The following CSMD3 variants were observed in gnomAD, a reference collection of about 807,000 sequenced individuals.
The protein encoded by CSMD3 is CUB and sushi domain-containing protein 3.
A neutral mutation model predicts 435.2 loss-of-function variants in CSMD3; 177 were observed. The ratio of observed to expected loss-of-function variants is 0.41; its 90% CI spans 0.36 to 0.46. The LOEUF (loss-of-function observed/expected upper bound fraction) is 0.46. Ranked by LOEUF, CSMD3 falls within the 20% of genes least tolerant of loss-of-function variation. The pLI is 0.34. For synonymous variants in CSMD3, 1,656 were observed against 1,520.5 expected (o/e 1.09, Z -2.07); for missense variants, 4,265 against 4,504.6 (o/e 0.95, Z 1.52).
chr8:112,485,250 C>T (rs185051199), intron 31 of CSMD3, among the ~76,000 whole-genome samples: 6 of 152,158 alleles, frequency 3.9e-5, no homozygotes, highest in Non-Finnish European at 4.4e-5. Flanking sequence ...AAATACATTA[C>T]GCTTCTCTAT....
chr8:112,903,413 A>T (rs965020845), intron 10 of CSMD3, among the ~76,000 whole-genome samples: 1 of 151,252 alleles, frequency 6.6e-6, no homozygotes, highest in African/African-American at 2.4e-5. Flanking sequence ...TGTTCCGAAA[A>T]GAGTATAAGA....
intron 41 of CSMD3, 53 bp from the exon 42 acceptor site, chr8:112,341,739 A>G (rs1825136525): frequency 4.6e-6 from 5 of 1,076,178 alleles, no homozygotes; most frequent in Admixed American, 1.8e-5. Flanking sequence ...CGAATTAAAC[A>G]TAAATATACA....
intron 1 of CSMD3, among the ~76,000 whole-genome samples, chr8:113,318,387 T>C (rs1036849260): frequency 3.3e-5 from 5 of 152,198 alleles, no homozygotes; most frequent in African/African-American, 1.2e-4. Context: ...CATAGTGAAA[T>C]AGATTACTGT....
At chr8:112,301,995 T>G (rs950411419) in intron 52 of CSMD3, 29 bp from the exon 53 acceptor site, 2 of 1,476,326 alleles carry the variant, frequency 1.4e-6, no homozygotes, top group Non-Finnish European at 1.9e-6. Context: ...ATAAAAATCC[T>G]TAAAGATATA....
At chr8:112,547,657 C>G (rs1827302177) in intron 27 of CSMD3, among the ~76,000 whole-genome samples, 1 of 152,148 alleles carries the variant, frequency 6.6e-6, no homozygotes, top group South Asian at 2.1e-4. Context: ...GGAGCATGAG[C>G]TAGAATAGTA....
At chr8:112,722,278 T>C (rs2076874839) in intron 13 of CSMD3, among the ~76,000 whole-genome samples, 1 of 151,714 alleles carries the variant, frequency 6.6e-6, no homozygotes, top group South Asian at 2.1e-4. Context: ...TGCAAATTAA[T>C]TAGATCTTAG....
intron 16 of CSMD3, among the ~76,000 whole-genome samples, chr8:112,678,394 A>G (rs1471433999): frequency 1.3e-5 from 2 of 152,208 alleles, no homozygotes; most frequent in African/African-American, 4.8e-5. Flanking sequence ...AAAAGATTGG[A>G]TAATCAAAAG....
intron 13 of CSMD3, among the ~76,000 whole-genome samples, chr8:112,770,062 T>C (rs976177333): frequency 1.3e-5 from 2 of 152,014 alleles, no homozygotes; most frequent in Admixed American, 1.3e-4. Flanking sequence ...GCTTTCAAAT[T>C]ATTGCAAATA....
At chr8:113,071,117 C>A (rs1409241966) in intron 5 of CSMD3, among the ~76,000 whole-genome samples, 1 of 151,936 alleles carries the variant, frequency 6.6e-6, no homozygotes, top group Non-Finnish European at 1.5e-5. Flanking sequence ...GGTATGTCCT[C>A]ACTTGGGAAA....
At chr8:112,286,377 A>G (rs1402058962) in intron 58 of CSMD3, among the ~76,000 whole-genome samples, 1 of 152,088 alleles carries the variant, frequency 6.6e-6, no homozygotes, top group Non-Finnish European at 1.5e-5. Flanking sequence ...TTAAGTTCTG[A>G]GTAGCATGAT....
At chr8:113,308,334 TCTCGGCTCACTGCAAGCTCCGCCTCCCG>T (rs2093839280) in intron 2 of CSMD3, among the ~76,000 whole-genome samples, 1 of 129,018 alleles carries the variant, frequency 7.8e-6, no homozygotes, top group Non-Finnish European at 1.6e-5. Context: ...AGTGGCGCGA[TCTCGGCTCACTGCAAGCTCCGCCTCCCG>T]GGTTCACGCC....
chr8:113,376,885 C>T, intron 1 of CSMD3: 1 of 1,607,166 alleles, frequency 6.2e-7, no homozygotes, highest in Non-Finnish European at 8.5e-7. Flanking sequence ...GATGAAGCTT[C>T]CTGGCCGGGA....
intron 4 of CSMD3, among the ~76,000 whole-genome samples, chr8:113,102,014 A>C (rs2090345015): frequency 6.6e-6 from 1 of 152,136 alleles, no homozygotes. Context: ...GATTTGGGAC[A>C]AGTAAAAGGC....
intron 6 of CSMD3, among the ~76,000 whole-genome samples, chr8:112,990,327 C>T (rs560439411): frequency 1.2e-4 from 18 of 151,904 alleles, no homozygotes; most frequent in African/African-American, 4.1e-4. Flanking sequence ...ACTACACATG[C>T]GAGCAAAAAA....
intron 9 of CSMD3, 28 bp downstream of exon 9, chr8:112,947,762 T>A (rs1334291739): frequency 3.4e-6 from 3 of 894,262 alleles, no homozygotes; most frequent in South Asian, 1.3e-5. Context: ...ACAAGATAAA[T>A]AATGAAGTCA....
At position 113,126,844 on chromosome 8, in the gene CSMD3, A is replaced by G. The variant is rs113823210; in HGVS notation, c.710-27881T>C. On this transcript the variant is annotated intron_variant, in intron 4 of 70. Coordinates refer to ENST00000297405, the MANE Select transcript of CSMD3 (RefSeq NM_198123.2). ...CCCTCCACACCTCTCCCTCCCTGCA[A>G]TTAACACAGGAAGCTCTCTCCTACC... Among the ~76,000 whole-genome samples the G allele has an allele frequency of 5.3e-3, 799 of 151,972 alleles. 10 individuals are homozygous for G. The highest frequency in any genetic ancestry group is 0.019 in the African/African-American group (772 of 41,486).
intron 3 of CSMD3, among the ~76,000 whole-genome samples, chr8:113,187,230 A>G (rs1460045807): frequency 6.6e-6 from 1 of 150,952 alleles, no homozygotes; most frequent in African/African-American, 2.4e-5. Flanking sequence ...TGCATTCCTA[A>G]TCCTTCTTGG....
At chr8:112,650,017 G>T (rs1436358263) in intron 19 of CSMD3, 144 bp downstream of exon 19, 17 of 656,962 alleles carry the variant, frequency 2.6e-5, no homozygotes, top group Non-Finnish European at 4.5e-5. Context: ...TTCATGAATG[G>T]TTTGATAACA....
At chr8:112,394,161 A>G (rs1262519156) in intron 35 of CSMD3, among the ~76,000 whole-genome samples, 1 of 152,184 alleles carries the variant, frequency 6.6e-6, no homozygotes, top group Admixed American at 6.5e-5. Flanking sequence ...CCATAAACCT[A>G]AGATTCATCT....
Sources: gnomAD v4.1 joint callset for allele counts (sites outside exome capture counted in the v4.1 genomes callset) on GRCh38, gnomAD v4.1.1 for gene constraint, MANE v1.5 for transcripts, NCBI Gene and HGNC (gene_info 2026-07-23, HGNC 2026-07-21) for gene names.